Variants in CPE observed in about 807,000 individuals in gnomAD.
The protein encoded by CPE is carboxypeptidase E, also known as carbocypeptidase E.
In CPE, 17 loss-of-function variants were observed where a neutral mutation model predicts 53.5. The observed-to-expected ratio is 0.32, with a 90% CI of 0.22 to 0.48. The LOEUF (loss-of-function observed/expected upper bound fraction) is 0.48, where lower values mean the gene tolerates loss of function less well. Ranked by LOEUF, CPE falls within the 20% of genes least tolerant of loss-of-function variation. CPE has a pLI of 0.99. For synonymous variants in CPE, 226 were observed against 228.8 expected (o/e 0.99, Z 0.11); for missense variants, 524 against 614.7 (o/e 0.85, Z 1.56).
intron 1 of CPE, among the ~76,000 whole-genome samples, chr4:165,381,122 A>G (rs1730499497): frequency 6.6e-6 from 1 of 152,228 alleles, no homozygotes; most frequent in Non-Finnish European, 1.5e-5. Flanking sequence ...ATTATATGAA[A>G]GCTAATGTTT....
intron 1 of CPE, among the ~76,000 whole-genome samples, chr4:165,388,596 A>G (rs553573832): frequency 1.2e-3 from 180 of 152,302 alleles, no homozygotes; most frequent in African/African-American, 4.2e-3. Context: ...TATATTGCAT[A>G]CTGTATAACC....
At chr4:165,409,044 A>G (rs980649311) in intron 1 of CPE, among the ~76,000 whole-genome samples, 5 of 152,174 alleles carry the variant, frequency 3.3e-5, no homozygotes, top group African/African-American at 1.2e-4. Context: ...TCTTACATTT[A>G]TTTGGCCACA....
intron 2 of CPE, 117 bp from the exon 3 acceptor site, chr4:165,467,571 T>C (rs1032789382): frequency 3.6e-5 from 34 of 939,168 alleles, no homozygotes; most frequent in Admixed American, 5.9e-5. Context: ...TGGGAGGGCA[T>C]TGTTGAAGTA....
In CPE at chr4:165,379,478, G is replaced by A. The variant is rs1032646284; in HGVS notation, c.257G>A (p.Arg86Gln). Residue 86 changes from arginine (R) to glutamine (Q), a missense_variant, in exon 1 of 9, where the codon CGG becomes CAG. Physicochemically the swap from Arg to Gln is conservative, Grantham distance 43 (BLOSUM62 1). Coordinates refer to ENST00000402744, the MANE Select transcript of CPE (RefSeq NM_001873.4). This position sits in a 1 kb window ranked among gnomAD's most constrained non-coding sequence, Gnocchi z 6.0. The stretch of plus-strand genomic sequence containing the variant: ...ACGGTGGGGCGCAGCTTCGAGGGCC[G>A]GGAGCTCCTGGTCATCGAGCTGTCC... ...IYTVGRSFEG[R>Q]ELLVIELSDN... is the part of the protein sequence containing the mutation. 6.2e-7 allele frequency: 1 copy of A among 1,602,126 alleles called. No homozygotes were observed.
intron 1 of CPE, among the ~76,000 whole-genome samples, chr4:165,397,076 T>A (rs2126658867): frequency 6.6e-6 from 1 of 150,656 alleles, no homozygotes. Context: ...ATAATAAAAA[T>A]TAAAATAAAA....
chr4:165,383,953 T>C (rs979339212), intron 1 of CPE, among the ~76,000 whole-genome samples: 9 of 152,196 alleles, frequency 5.9e-5, no homozygotes, highest in African/African-American at 2.2e-4. Context: ...GACTTGTAAT[T>C]GGTTAATGGA....
rs181481639 is a variant in CPE, at chr4:165,437,175, C to T, written c.308-27215C>T. Among the ~76,000 whole-genome samples, 107 of 152,294 alleles carry T rather than the reference C, an allele frequency of 7.0e-4. 4 individuals carry two copies. In the East Asian group the frequency reaches 0.018, roughly 25 times the overall value. On this transcript the variant is annotated intron_variant, in intron 1 of 8. Coordinates refer to ENST00000402744, the MANE Select transcript of CPE (RefSeq NM_001873.4). ...AGTGTTATTGGTCTGGCTGGGGTCA[C>T]ATGCTCATATCTGAAACAGTTGCTG...
In CPE at chr4:165,450,460, A is replaced by C. The variant is rs1731789553; in HGVS notation, c.308-13930A>C. On this transcript the variant is annotated intron_variant, in intron 1 of 8. Transcript: ENST00000402744. ...AGGTAAAATTAGAATGGTTGCAATC[A>C]GTAAAAATCTTGAAAGTACTTTAGT... is the stretch of plus-strand genomic sequence containing the variant. Among the ~76,000 whole-genome samples the C allele has an allele frequency of 2.0e-5, 3 of 152,358 alleles. No homozygotes were observed. The South Asian group carries it at 6.2e-4, about 32-fold the overall frequency.
intron 1 of CPE, among the ~76,000 whole-genome samples, chr4:165,456,648 G>A (rs1216940014): frequency 2.0e-5 from 3 of 149,306 alleles, no homozygotes; most frequent in African/African-American, 7.4e-5. Flanking sequence ...CTCATTGCAA[G>A]CTCCGCCTCC....
intron 1 of CPE, among the ~76,000 whole-genome samples, chr4:165,430,463 ATT>A (rs770526749): frequency 0.3 from 44,821 of 151,926 alleles, 6,679 homozygotes; most frequent in Middle Eastern, 0.39. Flanking sequence ...CTGACATTTT[ATT>A]GGTAATAGAT....
rs1377496707 is a variant in CPE at position 165,410,353 on chromosome 4, A to C, written c.307+30825A>C. Among the ~76,000 whole-genome samples, 4 of 152,134 alleles carry C rather than the reference A, an allele frequency of 2.6e-5. No homozygotes were observed. In the East Asian group the frequency reaches 7.7e-4, roughly 29 times the overall value. Reference sequence around the variant, plus strand: ...CGTTGAATTACAGAACTATGAACTGACTCCTTTTTGATGCAGCCTGATTAT... The same window carrying C: ...CGTTGAATTACAGAACTATGAACTGCCTCCTTTTTGATGCAGCCTGATTAT... On this transcript the variant is annotated intron_variant, in intron 1 of 8. Transcript: ENST00000402744.
At chr4:165,484,723 G>T (rs1732475559) in intron 5 of CPE, 119 bp downstream of exon 5, 1 of 954,414 alleles carries the variant, frequency 1.0e-6, no homozygotes. Context: ...TTAAAAAGTA[G>T]ACTGAATCTA....
intron 1 of CPE, among the ~76,000 whole-genome samples, chr4:165,442,025 T>TG (rs1329382762): frequency 1.9e-5 from 2 of 104,758 alleles, no homozygotes. Context: ...GTGAGTTTGT[T>TG]TTTTTTTTTT....
chr4:165,454,440 C>A (rs984723058), intron 1 of CPE, among the ~76,000 whole-genome samples: 4 of 152,092 alleles, frequency 2.6e-5, no homozygotes, highest in Non-Finnish European at 5.9e-5. Context: ...ATAAAATGTT[C>A]CAAAGGTCTC....
In CPE at chr4:165,404,376, T is replaced by C. The variant is rs968609747; in HGVS notation, c.307+24848T>C. On this transcript the variant is annotated intron_variant, in intron 1 of 8. Transcript: ENST00000402744. Reference sequence around the variant, plus strand: ...GAGGAGACTTCAGACTTAGGAGGCATCTTCAGACTTGCTAAAATACCGTTC... The same window carrying C: ...GAGGAGACTTCAGACTTAGGAGGCACCTTCAGACTTGCTAAAATACCGTTC... The C allele has an allele frequency of 3.9e-6, 3 of 768,060 alleles. No homozygotes were observed. In the African/African-American group the frequency reaches 5.1e-5, roughly 13 times the overall value. The allele number at this position is 768,060 out of a possible 1,614,324, so 47.6% of individuals were successfully genotyped here. A position where few individuals can be genotyped will look rare whatever the true frequency, so the allele number is the denominator to read the frequency against.
intron 1 of CPE, among the ~76,000 whole-genome samples, chr4:165,442,032 T>G (rs1343524758): frequency 3.8e-5 from 4 of 105,018 alleles, no homozygotes; most frequent in African/African-American, 9.1e-5. Flanking sequence ...TGTTTTTTTT[T>G]TTTGTTTTTT....
At chr4:165,477,086 A>G (rs1392567593) in intron 3 of CPE, among the ~76,000 whole-genome samples, 2 of 152,188 alleles carry the variant, frequency 1.3e-5, no homozygotes, top group Non-Finnish European at 2.9e-5. Context: ...CCTTCCACCT[A>G]TCATAGAAGA....
rs570403774 is a variant in CPE at position 165,450,235 on chromosome 4, A to G, written c.308-14155A>G. 1.0e-3 allele frequency among the ~76,000 whole-genome samples: 156 copies of G among 152,336 alleles called. No homozygotes were observed. The Middle Eastern group carries it at 0.014, about 13-fold the overall frequency. ...GGACAGGTGAAATACTAATACAAAC[A>G]AAAACTGTTACAAAATCAGAAATGT... On this transcript the variant is annotated intron_variant, in intron 1 of 8. Coordinates refer to ENST00000402744, the MANE Select transcript of CPE (RefSeq NM_001873.4).
intron 1 of CPE, among the ~76,000 whole-genome samples, chr4:165,451,645 C>T (rs904965415): frequency 6.6e-6 from 1 of 152,120 alleles, no homozygotes; most frequent in Non-Finnish European, 1.5e-5. Flanking sequence ...GCACATGCCA[C>T]CACGGCTGGC....
Sources: allele counts gnomAD v4.1 joint callset (sites outside exome capture counted in the v4.1 genomes callset), GRCh38; gene constraint gnomAD v4.1.1; non-coding constraint Gnocchi (gnomAD v3.1); transcripts MANE v1.5; gene names NCBI Gene and HGNC (gene_info 2026-07-23, HGNC 2026-07-21).